The following BRAF variants were observed in gnomAD, a reference collection of about 807,000 sequenced individuals.
The protein encoded by BRAF is serine/threonine-protein kinase B-raf.
BRAF carries 16 observed loss-of-function variants against 104.6 expected under a neutral mutation model. The observed-to-expected ratio is 0.15, with a 90% confidence interval of 0.10 to 0.23. The LOEUF is 0.23. BRAF is among the 10% of genes least tolerant of loss of function. The pLI is 1.00. For missense variants in BRAF, 541 were observed against 937.3 expected (o/e 0.58, Z 5.52); for synonymous variants, 310 against 341.6 (o/e 0.91, Z 1.02).
intron 8 of BRAF, among the ~76,000 whole-genome samples, chr7:140,793,215 G>T (rs934007519): frequency 1.3e-5 from 2 of 152,152 alleles, no homozygotes; most frequent in African/African-American, 4.8e-5. Flanking sequence ...TAGTCTAAAA[G>T]GATGATAGTT....
intron 14 of BRAF, among the ~76,000 whole-genome samples, chr7:140,775,104 TGTTA>T (rs2129016924): frequency 6.6e-6 from 1 of 152,292 alleles, no homozygotes; most frequent in Admixed American, 6.5e-5. Flanking sequence ...CGTGGGGACA[TGTTA>T]GTTATATAAG....
chr7:140,843,124 CTCT>C (rs1808158620), intron 2 of BRAF, among the ~76,000 whole-genome samples: 1 of 152,176 alleles, frequency 6.6e-6, no homozygotes, highest in Admixed American at 6.5e-5. Flanking sequence ...ACTTATTAGA[CTCT>C]TACTTCAGGA....
intron 16 of BRAF, among the ~76,000 whole-genome samples, chr7:140,752,022 T>C (rs1207777657): frequency 6.6e-6 from 1 of 152,198 alleles, no homozygotes; most frequent in African/African-American, 2.4e-5. Context: ...TAAAGAACTT[T>C]TGTTTAGGTA....
intron 3 of BRAF, among the ~76,000 whole-genome samples, chr7:140,811,330 A>C (rs1215213369): frequency 6.6e-6 from 1 of 152,172 alleles, no homozygotes; most frequent in African/African-American, 2.4e-5. Context: ...ATGTCCTTAA[A>C]GCATACTGTC....
chr7:140,836,384 G>A (rs1489045503), intron 2 of BRAF, among the ~76,000 whole-genome samples: 1 of 152,068 alleles, frequency 6.6e-6, no homozygotes, highest in Non-Finnish European at 1.5e-5. Context: ...AGGGAGGAAG[G>A]GAGAATTATA....
chr7:140,714,756 G>A (rs1278682126), downstream of BRAF, among the ~76,000 whole-genome samples: 2 of 152,150 alleles, frequency 1.3e-5, no homozygotes, highest in Non-Finnish European at 2.9e-5. Flanking sequence ...TATTAGAAAG[G>A]GTAGACAGTC....
intron 14 of BRAF, among the ~76,000 whole-genome samples, chr7:140,775,898 T>C (rs1800295511): frequency 1.3e-5 from 2 of 152,238 alleles, no homozygotes; most frequent in South Asian, 2.1e-4. Flanking sequence ...CTTGGCTCTA[T>C]ACTTACTTGC....
intron 1 of BRAF, among the ~76,000 whole-genome samples, chr7:140,853,817 T>C (rs963172034): frequency 8.5e-5 from 13 of 152,216 alleles, no homozygotes; most frequent in African/African-American, 2.7e-4. Flanking sequence ...ATATATATTT[T>C]ACGTGTTCAT....
chr7:140,912,901 C>T (rs1365074452), intron 1 of BRAF, among the ~76,000 whole-genome samples: 1 of 152,206 alleles, frequency 6.6e-6, no homozygotes, highest in Non-Finnish European at 1.5e-5. Flanking sequence ...TTTCTGCTAT[C>T]ACCAATATGG....
At chr7:140,811,035 G>A (rs1804204793) in intron 3 of BRAF, among the ~76,000 whole-genome samples, 1 of 152,178 alleles carries the variant, frequency 6.6e-6, no homozygotes, top group Non-Finnish European at 1.5e-5. Flanking sequence ...GTCCCTGGCA[G>A]AGTAAGTACA....
intron 3 of BRAF, among the ~76,000 whole-genome samples, chr7:140,818,914 G>T (rs182728470): frequency 6.6e-6 from 1 of 152,088 alleles, no homozygotes; most frequent in Non-Finnish European, 1.5e-5. Flanking sequence ...ACCTTACACT[G>T]AAGATAGCTT....
rs1802318299 is a variant in BRAF, at chr7:140,794,477, T to C, written c.981-10A>G. ...GGTGAGAATTTGGGGCCTGGAAAAATGAAGTCATTGGAAGATAAGATTCAG... is the reference window on the plus strand; with the variant it reads ...GGTGAGAATTTGGGGCCTGGAAAAACGAAGTCATTGGAAGATAAGATTCAG... On this transcript the variant is annotated splice_polypyrimidine_tract_variant and intron_variant, in intron 7 of 19. Transcript: ENST00000644969. The C allele has an allele frequency of 6.2e-7, 1 of 1,613,604 alleles. No homozygotes were observed. The highest frequency in any genetic ancestry group is 2.2e-5 in the East Asian group (1 of 44,870).
At position 140,777,075 on chromosome 7, in the gene BRAF, C is replaced by T. The variant is rs1220982313; in HGVS notation, c.1651G>A (p.Val551Met). 1 of 1,613,898 alleles carries T rather than the reference C, an allele frequency of 6.2e-7. No individual in the cohort carries two copies. Residue 551 changes from valine (V) to methionine (M), a missense_variant, in exon 14 of 20, where the codon GTG becomes ATG. Transcript: ENST00000644969. ...EVGVLRKTRH[V>M]NILLFMGYST... ...TAGCCCATGAAGAGTAGGATATTCA[C>T]ATGTCGTGTTTTCCTGTACAAAGAA...
chr7:140,829,607 T>C (rs1806488632), intron 3 of BRAF, among the ~76,000 whole-genome samples: 2 of 152,212 alleles, frequency 1.3e-5, no homozygotes, highest in South Asian at 4.1e-4. Flanking sequence ...TAATATTAGC[T>C]TGGCTATTAA....
intron 1 of BRAF, among the ~76,000 whole-genome samples, chr7:140,922,036 A>G (rs1337059378): frequency 1.3e-5 from 2 of 152,192 alleles, no homozygotes; most frequent in African/African-American, 2.4e-5. Flanking sequence ...CATCTGTAAT[A>G]CTGATATTTA....
chr7:140,784,400 C>CT (rs1374825663), intron 10 of BRAF, among the ~76,000 whole-genome samples: 2 of 152,152 alleles, frequency 1.3e-5, no homozygotes, highest in Non-Finnish European at 2.9e-5. Flanking sequence ...AAAGCCTCGA[C>CT]TGCTTGACCA....
intron 16 of BRAF, 47 bp downstream of exon 15, chr7:140,753,228 C>T (rs1420870304): frequency 6.9e-7 from 1 of 1,450,314 alleles, no homozygotes; most frequent in Non-Finnish European, 9.7e-7. Context: ...TCAGCAGCAT[C>T]TCAGGGCCAA....
intron 19 of BRAF, chr7:140,733,276 T>A (rs71646001): frequency 3.9e-5 from 6 of 152,236 alleles, no homozygotes; most frequent in African/African-American, 1.4e-4. Context: ...TCCTTCTTTA[T>A]TGACTTCAAG....
chr7:140,743,928 T>C (rs1562936643), intron 17 of BRAF, among the ~76,000 whole-genome samples: 2 of 152,230 alleles, frequency 1.3e-5, no homozygotes, highest in Non-Finnish European at 2.9e-5. Flanking sequence ...TAAAACATTT[T>C]TAATGACAAG....
Sources: gnomAD v4.1 joint callset for allele counts (sites outside exome capture counted in the v4.1 genomes callset) on GRCh38, gnomAD v4.1.1 for gene constraint, MANE v1.5 for transcripts, NCBI Gene and HGNC (gene_info 2026-07-23, HGNC 2026-07-21) for gene names.